PLXNC1: variants seen among roughly 807,000 people sequenced by gnomAD.
The protein encoded by PLXNC1 is plexin C1.
A neutral mutation model predicts 178.2 loss-of-function variants in PLXNC1; 75 were observed. The observed-to-expected ratio is 0.42, with a 90% confidence interval of 0.35 to 0.51. The LOEUF is 0.51. PLXNC1 is among the 20% of genes least tolerant of loss of function. PLXNC1 has a pLI of 0.02. For missense variants in PLXNC1, 1,503 were observed against 1,984.4 expected (o/e 0.76, Z 4.61); for synonymous variants, 790 against 779.9 (o/e 1.01, Z -0.22).
At chr12:94,190,454 T>A (rs1322734388) in intron 4 of PLXNC1, among the ~76,000 whole-genome samples, 1 of 152,150 alleles carries the variant, frequency 6.6e-6, no homozygotes, top group African/African-American at 2.4e-5. Flanking sequence ...TTGCCCAGGC[T>A]GGTCTTGAAC....
chr12:94,268,794 C>T lies in PLXNC1; in HGVS notation c.3597+3569C>T, dbSNP rs185375973. Among the ~76,000 whole-genome samples, 26 of 151,896 alleles carry T rather than the reference C, an allele frequency of 1.7e-4. No homozygotes were observed. In the East Asian group the frequency reaches 2.1e-3, roughly 12 times the overall value. ...ATTTTTAGTAGAAACGGGTTTTCGC[C>T]GTGTTGGCTAGCCTGGTCTTGAACT... On this transcript the variant is annotated intron_variant, in intron 21 of 30. Coordinates refer to ENST00000258526, the MANE Select transcript of PLXNC1 (RefSeq NM_005761.3).
Position 94,149,579 on chromosome 12 carries a change from C to T in PLXNC1, c.608C>T (p.Thr203Met). The change falls in exon 1 of 31, where the codon ACG (threonine) becomes ATG (methionine). Residue 203 changes from threonine (T) to methionine (M), a missense_variant. This residue lies in a region of PLXNC1 where 615 missense variants were observed against 698.6 expected (regional missense o/e 0.88). Transcript: ENST00000258526. ...AACCCCGCGGCATCCGACCACGACA[C>T]GGCCATCGCGCTCAAGGACACGGAG... ...RCNPAASDHD[T>M]AIALKDTEGR... is the part of the protein sequence containing the mutation. 6.4e-7 allele frequency: 1 copy of T among 1,567,696 alleles called. No individual in the cohort carries two copies.
intron 9 of PLXNC1, among the ~76,000 whole-genome samples, chr12:94,235,121 C>A (rs1476582223): frequency 2.0e-5 from 3 of 152,114 alleles, no homozygotes; most frequent in Non-Finnish European, 2.9e-5. Flanking sequence ...TGTTTAAAAG[C>A]AGACTGAAGC....
chr12:94,306,254 T>TCGATTTC lies in PLXNC1; in HGVS notation c.*969_*970insCGATTTC, dbSNP rs1565879854. 3 of 151,994 alleles carry TCGATTTC rather than the reference T, an allele frequency of 2.0e-5. No homozygotes were observed. The highest frequency in any genetic ancestry group is 7.2e-5 in the African/African-American group (3 of 41,400). 9.4% of individuals were successfully genotyped at this position (151,994 alleles called of 1,614,324 possible). A position where few individuals can be genotyped will look rare whatever the true frequency, so the allele number is the denominator to read the frequency against. ...AAAAAAAAAGATACATTTTACATTT[T>TCGATTTC]ATCGAATTGCTGTTCACACTGGAGT... is the stretch of plus-strand genomic sequence containing the variant. On this transcript the variant is annotated 3_prime_UTR_variant, in exon 31 of 31. Transcript: ENST00000258526.
chr12:94,188,616 G>T (rs185127856), intron 4 of PLXNC1, among the ~76,000 whole-genome samples: 2 of 152,190 alleles, frequency 1.3e-5, no homozygotes, highest in African/African-American at 2.4e-5. Flanking sequence ...GAGCCACCAC[G>T]CCCAGCCAGT....
At chr12:94,235,529 G>A (rs1401994072) in intron 9 of PLXNC1, among the ~76,000 whole-genome samples, 5 of 152,124 alleles carry the variant, frequency 3.3e-5, no homozygotes, top group Admixed American at 3.3e-4. Context: ...AGTCTGCAAT[G>A]AGGTTTACAT....
intron 2 of PLXNC1, among the ~76,000 whole-genome samples, chr12:94,172,970 G>C (rs778812014): frequency 4.6e-5 from 7 of 152,130 alleles, no homozygotes; most frequent in Admixed American, 1.3e-4. Flanking sequence ...GAGCTCAAAG[G>C]GTCCTTTGAG....
chr12:94,190,694 C>T (rs1434613228), intron 4 of PLXNC1, among the ~76,000 whole-genome samples: 1 of 152,238 alleles, frequency 6.6e-6, no homozygotes, highest in African/African-American at 2.4e-5. Flanking sequence ...CCCTTGCTGC[C>T]AGGGCCTGCA....
chr12:94,209,580 G>GT lies in PLXNC1; in HGVS notation c.1440-3dup. ...TATGGGGTCGCTGTTTTGTTGCCTC[G>GT]TTTTTTTAGGTGCACTTTTCAAGGA... On this transcript the variant is annotated splice_polypyrimidine_tract_variant and intron_variant, in intron 4 of 30. Transcript: ENST00000258526. 5 of 1,562,164 alleles carry GT rather than the reference G, an allele frequency of 3.2e-6. No individual in the cohort carries two copies. Among genetic ancestry groups the GT allele is most frequent in the Non-Finnish European group, 4.4e-6 (5 of 1,133,690 alleles).
At chr12:94,279,311 T>C (rs1229124151) in intron 21 of PLXNC1, among the ~76,000 whole-genome samples, 161 bp from the exon 22 acceptor site, 1 of 152,220 alleles carries the variant, frequency 6.6e-6, no homozygotes, top group African/African-American at 2.4e-5. Flanking sequence ...CTGAAAAGAA[T>C]GGATTATGGA....
chr12:94,220,305 C>G (rs1375257741), intron 6 of PLXNC1, 142 bp downstream of exon 6: 3 of 716,768 alleles, frequency 4.2e-6, no homozygotes, highest in Non-Finnish European at 7.0e-6. Flanking sequence ...CACTTTTGCT[C>G]TGGGTCCTCC....
intron 23 of PLXNC1, among the ~76,000 whole-genome samples, chr12:94,294,071 A>T (rs1167168234): frequency 6.6e-6 from 1 of 152,214 alleles, no homozygotes; most frequent in Non-Finnish European, 1.5e-5. Context: ...CATTCAGTCC[A>T]TAGCAAGTAA....
intron 5 of PLXNC1, 80 bp from the exon 6 acceptor site, chr12:94,219,936 G>C (rs1963747238): frequency 3.0e-6 from 4 of 1,329,452 alleles, no homozygotes; most frequent in Non-Finnish European, 4.2e-6. Flanking sequence ...GCAGGTCAAA[G>C]GGTGAGATCA....
chr12:94,181,831 A>G (rs182706736), intron 3 of PLXNC1, among the ~76,000 whole-genome samples: 1 of 152,204 alleles, frequency 6.6e-6, no homozygotes, highest in Non-Finnish European at 1.5e-5. Flanking sequence ...TTTTCAGAGG[A>G]GGGTGTGCTT....
intron 21 of PLXNC1, among the ~76,000 whole-genome samples, chr12:94,279,039 C>T (rs772146824): frequency 5.3e-5 from 8 of 152,024 alleles, no homozygotes; most frequent in Middle Eastern, 3.4e-3. Context: ...ATGGGGACCT[C>T]GTAACCTTCC....
chr12:94,268,900 T>G (rs928629366), intron 21 of PLXNC1, among the ~76,000 whole-genome samples: 1 of 152,142 alleles, frequency 6.6e-6, no homozygotes, highest in East Asian at 1.9e-4. Context: ...CGGCCGATAA[T>G]AAGACCTATT....
At chr12:94,250,733 AG>A (rs1268501395) in intron 14 of PLXNC1, among the ~76,000 whole-genome samples, 1 of 152,202 alleles carries the variant, frequency 6.6e-6, no homozygotes, top group Non-Finnish European at 1.5e-5. Context: ...TATTCAAAAT[AG>A]GATGCCAGGT....
At position 94,237,017 on chromosome 12, in the gene PLXNC1, T is replaced by G. The variant is rs189472100; in HGVS notation, c.1981-647T>G. Among the ~76,000 whole-genome samples the G allele has an allele frequency of 3.9e-5, 6 of 152,356 alleles. No homozygotes were observed. In the East Asian group the frequency reaches 9.6e-4, roughly 24 times the overall value. ...GCAAGGGACTCCAAGGGACATGTTC[T>G]TGACCTTAGGCCTGATAAAGTCTAT... On this transcript the variant is annotated intron_variant, in intron 9 of 30. Transcript: ENST00000258526.
chr12:94,220,623 C>T (rs1963767451), intron 6 of PLXNC1, among the ~76,000 whole-genome samples: 1 of 152,102 alleles, frequency 6.6e-6, no homozygotes, highest in African/African-American at 2.4e-5. Flanking sequence ...TACAGTGACT[C>T]CCCCTTGCCC....
Sources: gnomAD v4.1 joint callset for allele counts (sites outside exome capture counted in the v4.1 genomes callset) on GRCh38, gnomAD v4.1.1 for gene constraint, gnomAD v4.1.1 regional missense constraint, MANE v1.5 for transcripts, NCBI Gene and HGNC (gene_info 2026-07-23, HGNC 2026-07-21) for gene names.